Variants in RNF150 observed in about 807,000 individuals in gnomAD.
RNF150 encodes the protein ring finger protein 150.
In RNF150, 24 loss-of-function variants were observed where a neutral mutation model predicts 39.3. That is an observed-to-expected ratio of 0.61 (90% confidence interval 0.44 to 0.86). The LOEUF (loss-of-function observed/expected upper bound fraction) is 0.86. Among genes scored for constraint, RNF150 ranks in the 40% least tolerant of loss-of-function variants. RNF150 has a pLI of 0.00. For synonymous variants in RNF150, 255 were observed against 227.3 expected (o/e 1.12, Z -1.10); for missense variants, 502 against 587.8 (o/e 0.85, Z 1.51).
At chr4:140,969,861 A>T (rs1240204686) in intron 1 of RNF150, among the ~76,000 whole-genome samples, 4 of 145,332 alleles carry the variant, frequency 2.8e-5, no homozygotes, top group Non-Finnish European at 6.0e-5. Flanking sequence ...TCCCAGATTC[A>T]AGCAATTTTT....
intron 6 of RNF150, among the ~76,000 whole-genome samples, chr4:140,894,385 T>C (rs1317438953): frequency 6.6e-6 from 1 of 152,212 alleles, no homozygotes; most frequent in Non-Finnish European, 1.5e-5. Flanking sequence ...ATTGTTAATA[T>C]ATTCTGTGAC....
In RNF150 at chr4:140,868,061, A is replaced by G. The variant is rs1578913075; in HGVS notation, c.*200T>C. On this transcript the variant is annotated 3_prime_UTR_variant, in exon 7 of 7. Coordinates refer to ENST00000515673, the MANE Select transcript of RNF150 (RefSeq NM_020724.2). ...TTTCAACTTCCCAGCTGCCAAGGCC[A>G]CAGACTGCCATACCGATGGAGAAAC... 1.9e-6 allele frequency: 1 copy of G among 513,174 alleles called. No homozygotes were observed. The highest frequency in any genetic ancestry group is 4.9e-4 in the Middle Eastern group (1 of 2,060). 31.8% of individuals were successfully genotyped at this position (513,174 alleles called of 1,614,324 possible).
chr4:141,131,285 T>C (rs1726885807), intron 1 of RNF150, among the ~76,000 whole-genome samples: 2 of 152,262 alleles, frequency 1.3e-5, no homozygotes, highest in Non-Finnish European at 2.9e-5. Flanking sequence ...AAAATGCATC[T>C]GTCATTTTCT....
At chr4:141,012,002 G>A (rs1735092261) in intron 1 of RNF150, among the ~76,000 whole-genome samples, 1 of 152,228 alleles carries the variant, frequency 6.6e-6, no homozygotes, top group East Asian at 1.9e-4. Context: ...CATATTCTAA[G>A]TTTATAGCTG....
At chr4:140,983,562 A>G (rs1733927555) in intron 1 of RNF150, among the ~76,000 whole-genome samples, 1 of 151,478 alleles carries the variant, frequency 6.6e-6, no homozygotes, top group African/African-American at 2.4e-5. Context: ...CATGTAGGGC[A>G]CTTCAGGGAA....
chr4:140,869,438 A>G (rs889890549), intron 6 of RNF150, among the ~76,000 whole-genome samples: 1 of 152,204 alleles, frequency 6.6e-6, no homozygotes, highest in Non-Finnish European at 1.5e-5. Flanking sequence ...TCTTCAATGA[A>G]CATACATCAC....
intron 2 of RNF150, among the ~76,000 whole-genome samples, 155 bp downstream of exon 2, chr4:140,967,468 G>A (rs1733288991): frequency 6.6e-6 from 1 of 151,934 alleles, no homozygotes; most frequent in African/African-American, 2.4e-5. Flanking sequence ...AGATATATTT[G>A]GATAATATCT....
intron 1 of RNF150, among the ~76,000 whole-genome samples, chr4:141,110,417 G>A (rs1739348914): frequency 6.6e-6 from 1 of 151,872 alleles, no homozygotes; most frequent in Non-Finnish European, 1.5e-5. Flanking sequence ...CCACTGCCTT[G>A]AGAGAGTTTT....
At chr4:141,175,894 AT>A (rs1366392004) in intron 1 of RNF150, among the ~76,000 whole-genome samples, 1 of 151,320 alleles carries the variant, frequency 6.6e-6, no homozygotes, top group Non-Finnish European at 1.5e-5. Context: ...CTCTATCTTT[AT>A]TTTTTTTGAG....
intron 1 of RNF150, among the ~76,000 whole-genome samples, chr4:141,071,288 C>T (rs1353786311): frequency 1.4e-5 from 2 of 147,710 alleles, no homozygotes; most frequent in Non-Finnish European, 3.0e-5. Flanking sequence ...TGCTAGATGA[C>T]GAGTTGGTGG....
At chr4:141,140,147 A>T (rs1727094522) in intron 1 of RNF150, among the ~76,000 whole-genome samples, 3 of 152,340 alleles carry the variant, frequency 2.0e-5, no homozygotes, top group Middle Eastern at 6.8e-3. Flanking sequence ...TGGAAATGGA[A>T]GGTTTTGGAA....
intron 1 of RNF150, among the ~76,000 whole-genome samples, chr4:141,067,041 T>C (rs1264381442): frequency 6.6e-6 from 1 of 152,152 alleles, no homozygotes; most frequent in African/African-American, 2.4e-5. Flanking sequence ...TCTAAACACA[T>C]CTAAATACAG....
At chr4:140,997,683 C>T (rs1421048217) in intron 1 of RNF150, among the ~76,000 whole-genome samples, 1 of 151,894 alleles carries the variant, frequency 6.6e-6, no homozygotes. Flanking sequence ...CCACTGCACT[C>T]CAGCCTGTGT....
intron 1 of RNF150, among the ~76,000 whole-genome samples, chr4:141,031,992 G>A (rs1735964557): frequency 6.6e-6 from 1 of 151,422 alleles, no homozygotes; most frequent in African/African-American, 2.4e-5. Flanking sequence ...TGGATGAATG[G>A]AAAAAGATGT....
chr4:140,897,643 G>C (rs1189997886), intron 6 of RNF150, among the ~76,000 whole-genome samples: 1 of 152,184 alleles, frequency 6.6e-6, no homozygotes, highest in East Asian at 1.9e-4. Flanking sequence ...AGATATAAAA[G>C]AGTGATAATT....
At chr4:140,998,616 G>C (rs1331212812) in intron 1 of RNF150, among the ~76,000 whole-genome samples, 9 of 152,200 alleles carry the variant, frequency 5.9e-5, no homozygotes. Context: ...CCAGAGATAA[G>C]CTGAGCTAAA....
intron 6 of RNF150, among the ~76,000 whole-genome samples, chr4:140,879,359 G>A (rs1201503664): frequency 6.6e-6 from 1 of 152,090 alleles, no homozygotes; most frequent in Non-Finnish European, 1.5e-5. Flanking sequence ...CTTCCAATCC[G>A]TGAACATGTG....
At position 141,117,811 on chromosome 4, in the gene RNF150, G is replaced by A. The variant is rs77208454; in HGVS notation, c.484+14514C>T. The stretch of plus-strand genomic sequence containing the variant: ...GTGTTCAGAACAAATGGCAATTCTC[G>A]TCCTTCTATTACTTATTCCATCCAA... On this transcript the variant is annotated intron_variant, in intron 1 of 6. Transcript: ENST00000515673. Among the ~76,000 whole-genome samples, 896 of 152,254 alleles carry A rather than the reference G, an allele frequency of 5.9e-3. 20 individuals carry two copies. In the East Asian group the frequency reaches 0.091, roughly 15 times the overall value.
chr4:140,929,288 G>A (rs1039987438), intron 4 of RNF150, among the ~76,000 whole-genome samples: 6 of 150,836 alleles, frequency 4.0e-5, no homozygotes, highest in Non-Finnish European at 8.8e-5. Context: ...GACACTGGTC[G>A]TTGTTCTCAA....
Sources: gnomAD v4.1 joint callset for allele counts (sites outside exome capture counted in the v4.1 genomes callset) on GRCh38, gnomAD v4.1.1 for gene constraint, MANE v1.5 for transcripts, NCBI Gene and HGNC (gene_info 2026-07-23, HGNC 2026-07-21) for gene names.